The following TFEB variants were observed in gnomAD, a reference collection of about 807,000 sequenced individuals.
The protein encoded by TFEB is transcription factor EB.
Under a neutral mutation model 48.0 loss-of-function variants are expected in TFEB, and 12 were observed. The observed-to-expected ratio is 0.25, with a 90% CI of 0.16 to 0.40. The LOEUF (loss-of-function observed/expected upper bound fraction) is 0.40, where lower values mean the gene tolerates loss of function less well. Among genes scored for constraint, TFEB ranks in the 10% least tolerant of loss-of-function variants. The pLI, the probability that TFEB is intolerant of heterozygous loss-of-function variation, is 1.00. For synonymous variants in TFEB, 244 were observed against 261.4 expected (o/e 0.93, Z 0.64); for missense variants, 509 against 640.3 (o/e 0.79, Z 2.21).
intron 1 of TFEB, among the ~76,000 whole-genome samples, chr6:41,713,527 T>TAAGG (rs1356994464): frequency 1.3e-5 from 2 of 152,134 alleles, no homozygotes; most frequent in East Asian, 3.9e-4. Flanking sequence ...CCTACTCCTC[T>TAAGG]AATTGTCTCT....
intron 1 of TFEB, among the ~76,000 whole-genome samples, chr6:41,696,706 T>A (rs1321815510): frequency 6.6e-6 from 1 of 151,596 alleles, no homozygotes; most frequent in African/African-American, 2.4e-5. Flanking sequence ...AAAAAATAAA[T>A]AAATAAAATA....
intron 1 of TFEB, among the ~76,000 whole-genome samples, chr6:41,718,689 C>CT (rs1325962827): frequency 9.0e-6 from 1 of 110,570 alleles, no homozygotes; most frequent in Non-Finnish European, 1.9e-5. Flanking sequence ...TTTTTTTTTT[C>CT]TTTGACTTAC....
chr6:41,722,286 G>A (rs56328765), intron 1 of TFEB, among the ~76,000 whole-genome samples: 5 of 152,254 alleles, frequency 3.3e-5, no homozygotes, highest in East Asian at 1.9e-4. Flanking sequence ...GGCTCCATTC[G>A]CTATATTAAT....
intron 7 of TFEB, chr6:41,686,803 C>T (rs1191710703): frequency 1.1e-5 from 5 of 468,760 alleles, no homozygotes; most frequent in Admixed American, 1.0e-4. Flanking sequence ...GGCGTGAGCC[C>T]GGCCTCTTGT....
At chr6:41,690,344 G>C (rs532932747) in intron 3 of TFEB, among the ~76,000 whole-genome samples, 4 of 152,198 alleles carry the variant, frequency 2.6e-5, no homozygotes, top group Admixed American at 2.6e-4. Context: ...TGGCCAGGCT[G>C]TTCTCAAACT....
chr6:41,711,520 C>T (rs1770474905), intron 1 of TFEB, among the ~76,000 whole-genome samples: 1 of 152,174 alleles, frequency 6.6e-6, no homozygotes, highest in Non-Finnish European at 1.5e-5. Context: ...CTCTTCCCTG[C>T]CTGTCCCCAA....
intron 1 of TFEB, among the ~76,000 whole-genome samples, chr6:41,708,899 C>T (rs573342584): frequency 1.3e-5 from 2 of 152,278 alleles, no homozygotes; most frequent in East Asian, 3.9e-4. Flanking sequence ...TTGGAACTTC[C>T]CCACTTGGCG....
At chr6:41,733,766 G>A in intron 1 of TFEB, 1 of 985,142 alleles carries the variant, frequency 1.0e-6, no homozygotes, top group South Asian at 4.7e-5. Context: ...TCCCTCCCCG[G>A]ACAGTGAGCT....
Position 41,691,046 on chromosome 6 carries a change from G to T in TFEB, c.168C>A (p.Pro56=), listed in dbSNP as rs78758100. ...GGPPTPAINT[P]VHFQSPPPVP... Reference sequence around the variant, plus strand: ...CAGGTGGTGGCGACTGGAAGTGGACGGGGGTATTGATGGCCGGGGTGGGCG... The same window carrying T: ...CAGGTGGTGGCGACTGGAAGTGGACTGGGGTATTGATGGCCGGGGTGGGCG... Residue 56 remains proline, a synonymous_variant, in exon 2 of 9, where the codon CCC becomes CCA. Coordinates refer to ENST00000373033, the MANE Select transcript of TFEB (RefSeq NM_001271944.2). This position sits in a 1 kb window ranked among gnomAD's most constrained non-coding sequence, Gnocchi z 5.2. The T allele has an allele frequency of 1.3e-6, 2 of 1,574,388 alleles. No homozygotes were observed. Among genetic ancestry groups the T allele is most frequent in the Non-Finnish European group, 1.7e-6 (2 of 1,158,884 alleles).
chr6:41,687,335 T>A (rs1769063570), intron 6 of TFEB, among the ~76,000 whole-genome samples, 166 bp from the exon 7 acceptor site: 1 of 152,132 alleles, frequency 6.6e-6, no homozygotes. Context: ...TCTACAGGAA[T>A]TAGGGGGTCC....
chr6:41,721,365 G>GCACA (rs1427485935), intron 1 of TFEB, among the ~76,000 whole-genome samples: 3 of 127,314 alleles, frequency 2.4e-5, no homozygotes, highest in Non-Finnish European at 3.2e-5. Flanking sequence ...TTGACACTAG[G>GCACA]CACACATACA....
intron 1 of TFEB, among the ~76,000 whole-genome samples, chr6:41,710,495 G>A (rs1015340720): frequency 1.4e-4 from 22 of 152,228 alleles, no homozygotes; most frequent in Non-Finnish European, 2.5e-4. Flanking sequence ...AGAAAGAAGA[G>A]GCTGAAGAGC....
chr6:41,689,725 G>A lies in TFEB; in HGVS notation c.549+6C>T. On this transcript the variant is annotated splice_donor_region_variant and intron_variant, in intron 4 of 8. Coordinates refer to ENST00000373033, the MANE Select transcript of TFEB (RefSeq NM_001271944.2). ...TGCACACCCACCCCACCCTAGCCAG[G>A]AGTACCGTGTTGGGCATCTGCATTT... 6 of 1,613,526 alleles carry A rather than the reference G, an allele frequency of 3.7e-6. No individual in the cohort carries two copies. Among genetic ancestry groups the A allele is most frequent in the Non-Finnish European group, 5.1e-6 (6 of 1,179,528 alleles).
chr6:41,686,814 C>A, intron 7 of TFEB: 1 of 494,986 alleles, frequency 2.0e-6, no homozygotes, highest in Non-Finnish European at 3.7e-6. Context: ...GGCCTCTTGT[C>A]TGCCAGCCCA....
At chr6:41,700,854 G>T (rs2127456250) in intron 1 of TFEB, among the ~76,000 whole-genome samples, 1 of 152,292 alleles carries the variant, frequency 6.6e-6, no homozygotes, top group East Asian at 1.9e-4. Flanking sequence ...CCTCCTGGCT[G>T]GTCAGACTGT....
At chr6:41,722,920 G>A (rs549527077) in intron 1 of TFEB, among the ~76,000 whole-genome samples, 9 of 152,204 alleles carry the variant, frequency 5.9e-5, no homozygotes, top group Non-Finnish European at 1.0e-4. Context: ...CACTATAACT[G>A]TCATCTCCAT....
intron 6 of TFEB, 195 bp downstream of exon 6, chr6:41,687,558 G>T: frequency 1.4e-6 from 1 of 702,934 alleles, no homozygotes; most frequent in Non-Finnish European, 2.5e-6. Flanking sequence ...CTCCTAAAGA[G>T]GCCTAGTGGA....
intron 1 of TFEB, among the ~76,000 whole-genome samples, chr6:41,693,989 G>A (rs373318770): frequency 4.9e-5 from 4 of 82,188 alleles, no homozygotes; most frequent in East Asian, 7.1e-4. Context: ...CCACCCACAC[G>A]GCACTGGCTC....
chr6:41,690,686 T>A lies in TFEB; in HGVS notation c.445A>T (p.Ile149Phe). 5 of 1,538,296 alleles carry A rather than the reference T, an allele frequency of 3.3e-6. No individual in the cohort carries two copies. Among genetic ancestry groups the A allele is most frequent in the Non-Finnish European group, 4.4e-6 (5 of 1,137,034 alleles). The stretch of plus-strand genomic sequence containing the variant: ...ACCTCCCTCTCAGGGTTGGAGCCAA[T>A]GTGCAGCATGGCCATGGGGCTATTG... ...APNSPMAMLH[I>F]GSNPERELDD... Residue 149 changes from isoleucine to phenylalanine, a missense_variant, in exon 3 of 9, where the codon ATT (isoleucine) becomes TTT (phenylalanine). Around this residue, in one of 4 missense-constraint regions of TFEB, gnomAD observed 251 missense variants for 317.2 expected, o/e 0.79. Coordinates refer to ENST00000373033, the MANE Select transcript of TFEB (RefSeq NM_001271944.2).
Sources: allele counts gnomAD v4.1 joint callset (sites outside exome capture counted in the v4.1 genomes callset), GRCh38; gene constraint gnomAD v4.1.1; regional missense constraint gnomAD v4.1.1; non-coding constraint Gnocchi (gnomAD v3.1); transcripts MANE v1.5; gene names NCBI Gene and HGNC (gene_info 2026-07-23, HGNC 2026-07-21).